DLG1: variants seen among roughly 807,000 people sequenced by gnomAD.
DLG1 encodes discs large MAGUK scaffold protein 1, also known as disks large homolog 1.
DLG1 carries 42 observed loss-of-function variants against 123.4 expected under a neutral mutation model. The ratio of observed to expected loss-of-function variants is 0.34; its 90% CI spans 0.27 to 0.44. DLG1 has a LOEUF of 0.44. Ranked by LOEUF, DLG1 falls within the 20% of genes least tolerant of loss-of-function variation. DLG1 has a pLI of 1.00. For missense variants in DLG1, 942 were observed against 1,082.6 expected (o/e 0.87, Z 1.82); for synonymous variants, 317 against 356.2 (o/e 0.89, Z 1.24).
intron 13 of DLG1, among the ~76,000 whole-genome samples, chr3:197,114,657 G>A (rs114176069): frequency 0.029 from 4,425 of 152,272 alleles, 111 homozygotes; most frequent in Non-Finnish European, 0.045. Context: ...AGTTTTACTA[G>A]CATGTAGCAT....
chr3:197,121,037 A>T (rs1259273909), intron 11 of DLG1, among the ~76,000 whole-genome samples: 1 of 151,146 alleles, frequency 6.6e-6, no homozygotes, highest in African/African-American at 2.4e-5. Flanking sequence ...TTGACTCTTA[A>T]ATTCTTTTGC....
chr3:197,273,557 T>C (rs1445629941), intron 4 of DLG1, among the ~76,000 whole-genome samples: 2 of 152,058 alleles, frequency 1.3e-5, no homozygotes, highest in Admixed American at 6.5e-5. Context: ...CTTTTAACTC[T>C]ACTGCCTCCT....
At chr3:197,097,869 C>T (rs1161442407) in intron 14 of DLG1, among the ~76,000 whole-genome samples, 6 of 151,978 alleles carry the variant, frequency 3.9e-5, no homozygotes, top group Admixed American at 2.6e-4. Context: ...CGTGAGCCAC[C>T]GCGCCCAACC....
chr3:197,239,518 C>T (rs1170520351), intron 4 of DLG1, among the ~76,000 whole-genome samples: 4 of 152,134 alleles, frequency 2.6e-5, no homozygotes, highest in South Asian at 4.2e-4. Context: ...AAAGATAGTA[C>T]TAGAAAAGAA....
chr3:197,191,812 A>G (rs1719753437), intron 5 of DLG1, among the ~76,000 whole-genome samples: 1 of 152,206 alleles, frequency 6.6e-6, no homozygotes, highest in Admixed American at 6.5e-5. Flanking sequence ...AATAACCACT[A>G]AAGGAAGAGA....
At chr3:197,069,918 T>C (rs1003262361) in intron 18 of DLG1, 1 of 152,200 alleles carries the variant, frequency 6.6e-6, no homozygotes, top group Non-Finnish European at 1.5e-5. Context: ...TGGTGGCAAT[T>C]GCATTTTAAA....
intron 4 of DLG1, chr3:197,260,167 A>G (rs973995314): frequency 1.3e-5 from 4 of 310,976 alleles, no homozygotes; most frequent in Non-Finnish European, 1.9e-5. Flanking sequence ...ATCTATAACA[A>G]TGGTTACACC....
intron 5 of DLG1, among the ~76,000 whole-genome samples, chr3:197,157,010 A>G (rs1796693956): frequency 1.3e-5 from 2 of 152,194 alleles, no homozygotes; most frequent in Admixed American, 1.3e-4. Flanking sequence ...AATAGAAGGA[A>G]ACTATGTCAA....
intron 23 of DLG1, among the ~76,000 whole-genome samples, 165 bp from the exon 24 acceptor site, chr3:197,051,833 ATTTTTTTT>A (rs35979905): frequency 1.3e-4 from 12 of 90,252 alleles, no homozygotes; most frequent in South Asian, 3.9e-4. Flanking sequence ...ATTTCTGGGA[ATTTTTTTT>A]TTTTTTTTTT....
chr3:197,253,780 T>A (rs955895091), intron 4 of DLG1, among the ~76,000 whole-genome samples: 4 of 152,162 alleles, frequency 2.6e-5, no homozygotes, highest in African/African-American at 9.7e-5. Flanking sequence ...TTGACTCTAT[T>A]AACGTCAATA....
At chr3:197,215,468 C>T (rs1246746362) in intron 4 of DLG1, among the ~76,000 whole-genome samples, 1 of 151,970 alleles carries the variant, frequency 6.6e-6, no homozygotes, top group Non-Finnish European at 1.5e-5. Flanking sequence ...ATTATGACTT[C>T]TAGTATGTAA....
At chr3:197,176,202 T>A (rs559748155) in intron 5 of DLG1, among the ~76,000 whole-genome samples, 4 of 152,206 alleles carry the variant, frequency 2.6e-5, no homozygotes, top group East Asian at 1.9e-4. Context: ...CTTTATATAT[T>A]TTTTTAGAGC....
At chr3:197,145,943 T>C (rs759119472) in intron 6 of DLG1, among the ~76,000 whole-genome samples, 13 of 151,708 alleles carry the variant, frequency 8.6e-5, no homozygotes, top group Admixed American at 3.9e-4. Flanking sequence ...TGAGCTGAGA[T>C]TGTGCTACTG....
intron 23 of DLG1, 143 bp from the exon 24 acceptor site, chr3:197,051,811 G>A (rs1434862450): frequency 8.4e-6 from 4 of 477,566 alleles, no homozygotes; most frequent in African/African-American, 4.2e-5. Flanking sequence ...AAAAACTTGA[G>A]TCATTCTGGT....
At chr3:197,079,127 T>A (rs576831453) in intron 17 of DLG1, among the ~76,000 whole-genome samples, 2 of 151,902 alleles carry the variant, frequency 1.3e-5, no homozygotes, top group Non-Finnish European at 2.9e-5. Context: ...CTACCTCCAG[T>A]TTCTCTGTAT....
chr3:197,120,956 C>T (rs1314366544), intron 11 of DLG1, among the ~76,000 whole-genome samples: 1 of 152,028 alleles, frequency 6.6e-6, no homozygotes, highest in Non-Finnish European at 1.5e-5. Flanking sequence ...GGTATGTAGC[C>T]CTCAATCAAT....
chr3:197,131,630 G>C (rs1325882940), intron 10 of DLG1, among the ~76,000 whole-genome samples: 1 of 108,100 alleles, frequency 9.3e-6, no homozygotes, highest in African/African-American at 3.6e-5. Flanking sequence ...GTCTCGCTCT[G>C]TCGCCCAGGC....
intron 5 of DLG1, 111 bp downstream of exon 5, chr3:197,194,314 G>A (rs1721262125): frequency 1.8e-6 from 1 of 562,742 alleles, no homozygotes; most frequent in Admixed American, 4.3e-5. Flanking sequence ...TAAAATGGGG[G>A]GGTGGGGTAG....
intron 17 of DLG1, among the ~76,000 whole-genome samples, chr3:197,079,929 T>C (rs3796263): frequency 0.24 from 36,564 of 151,900 alleles, 5,593 homozygotes; most frequent in East Asian, 0.72. Context: ...ACAGAGTAAA[T>C]TTATTTGCTG....
Sources: allele counts gnomAD v4.1 joint callset (sites outside exome capture counted in the v4.1 genomes callset), GRCh38; gene constraint gnomAD v4.1.1; transcripts MANE v1.5; gene names NCBI Gene and HGNC (gene_info 2026-07-23, HGNC 2026-07-21).